The following STK35 variants were observed in gnomAD, a reference collection of about 807,000 sequenced individuals.
STK35 encodes serine/threonine-protein kinase 35.
Under a neutral mutation model 37.3 loss-of-function variants are expected in STK35, and 17 were observed. That is an observed-to-expected ratio of 0.46 (90% CI 0.31 to 0.68). The LOEUF (loss-of-function observed/expected upper bound fraction) is 0.68, where lower values mean the gene tolerates loss of function less well. Among genes scored for constraint, STK35 ranks in the 30% least tolerant of loss-of-function variants. STK35 has a pLI of 0.05. For synonymous variants in STK35, 385 were observed against 319.1 expected (o/e 1.21, Z -2.20); for missense variants, 595 against 746.7 (o/e 0.80, Z 2.37).
rs531414875 is a variant in STK35, at chr20:2,136,629, G to A, written c.*38-7155G>A. 1.7e-4 allele frequency among the ~76,000 whole-genome samples: 26 copies of A among 152,318 alleles called. 1 individual carries two copies. The highest frequency in any genetic ancestry group is 2.6e-4 in the Admixed American group (4 of 15,310). ...TGTTTATGTTAAAACCCTATCATGT[G>A]GAATGAATGATTCTGTGAAGTTTTA... is the stretch of plus-strand genomic sequence containing the variant. On this transcript the variant is annotated intron_variant, in intron 3 of 3. Coordinates refer to ENST00000381482, the MANE Select transcript of STK35 (RefSeq NM_080836.4).
intron 3 of STK35, among the ~76,000 whole-genome samples, chr20:2,119,975 T>C (rs982045744): frequency 3.3e-5 from 5 of 152,238 alleles, no homozygotes; most frequent in Non-Finnish European, 7.3e-5. Flanking sequence ...CTGGACCAAT[T>C]GGGCCTACCA....
rs964646911 is a variant in STK35, at chr20:2,102,968, G to A, written c.495G>A (p.Arg165=). The change falls in exon 2 of 4, where the codon AGG becomes AGA. Residue 165 remains arginine, a synonymous_variant. Coordinates refer to ENST00000381482, the MANE Select transcript of STK35 (RefSeq NM_080836.4). ...PVPRAPSTKL[R]PAAAARAMDP... ...CGCGGGCGCCCAGCACGAAGCTGAG[G>A]CCGGCGGCGGCGGCCCGGGCCATGG... The A allele has an allele frequency of 9.8e-6, 14 of 1,433,184 alleles. No individual in the cohort carries two copies. Among genetic ancestry groups the A allele is most frequent in the Non-Finnish European group, 1.3e-5 (14 of 1,099,848 alleles). 88.8% of individuals were successfully genotyped at this position (1,433,184 alleles called of 1,614,324 possible).
intron 2 of STK35, among the ~76,000 whole-genome samples, chr20:2,111,448 G>A (rs760455439): frequency 2.0e-5 from 3 of 152,114 alleles, no homozygotes; most frequent in Non-Finnish European, 4.4e-5. Flanking sequence ...TAATTACCCA[G>A]TACTTAAGGA....
rs1488600696 is a variant in STK35 at position 2,117,961 on chromosome 20, G to C, written c.*37+546G>C. ...TCTCAGAGGAGGTTGCGTTTAAGCC[G>C]AGTCTCCCTTTTTTTAGAAACGCTC... On this transcript the variant is annotated intron_variant, in intron 3 of 3. Transcript: ENST00000381482. This position sits in a 1 kb window ranked among gnomAD's most constrained non-coding sequence, Gnocchi z 4.4. Among the ~76,000 whole-genome samples the C allele has an allele frequency of 1.3e-5, 2 of 152,192 alleles. No individual in the cohort carries two copies. The highest frequency in any genetic ancestry group is 2.4e-5 in the African/African-American group (1 of 41,440).
At chr20:2,115,605 C>G (rs751156749) in intron 2 of STK35, among the ~76,000 whole-genome samples, 41 of 152,184 alleles carry the variant, frequency 2.7e-4, no homozygotes, top group Non-Finnish European at 5.3e-4. Context: ...ACTGGACTGT[C>G]AGTTGCTTTA....
Position 2,102,171 on chromosome 20 carries a change from G to A in STK35, c.290G>A (p.Gly97Asp). Residue 97 changes from glycine (G) to aspartate (D), a missense_variant, in exon 1 of 4, where the codon GGC becomes GAC. Physicochemically the swap from Gly to Asp is moderately conservative, Grantham distance 94. Around this residue, in one of 3 missense-constraint regions of STK35, gnomAD observed 389 missense variants for 320.0 expected, o/e 1.22. Transcript: ENST00000381482. The part of the protein sequence containing the change: ...KRAARKWRCA[G>D]QVTIQGPAPP... ...GCCGCCCGGAAGTGGAGGTGCGCGG[G>A]CCAGGTAAGGGCGCCGTTGGAGGAC... is the stretch of plus-strand genomic sequence containing the variant. 1.4e-6 allele frequency: 2 copies of A among 1,383,328 alleles called. No individual in the cohort carries two copies. Among genetic ancestry groups the A allele is most frequent in the Non-Finnish European group, 1.9e-6 (2 of 1,069,768 alleles). 85.7% of individuals were successfully genotyped at this position (1,383,328 alleles called of 1,614,324 possible). A position where few individuals can be genotyped will look rare whatever the true frequency, so the allele number is the denominator to read the frequency against.
chr20:2,128,598 G>T (rs1257227612), intron 3 of STK35, among the ~76,000 whole-genome samples: 3 of 152,118 alleles, frequency 2.0e-5, no homozygotes, highest in Non-Finnish European at 4.4e-5. Flanking sequence ...TCCTGTGGGA[G>T]TAGGAGGAAA....
intron 3 of STK35, among the ~76,000 whole-genome samples, chr20:2,124,768 C>T (rs1201405028): frequency 1.3e-5 from 2 of 152,168 alleles, no homozygotes; most frequent in African/African-American, 4.8e-5. Context: ...CGCTAGATAC[C>T]TGTATACAAA....
chr20:2,114,393 A>G (rs75514486), intron 2 of STK35, among the ~76,000 whole-genome samples: 19 of 152,220 alleles, frequency 1.2e-4, no homozygotes, highest in African/African-American at 2.4e-4. Context: ...ACTGTGAGCT[A>G]TGGTCACACC....
intron 3 of STK35, among the ~76,000 whole-genome samples, chr20:2,136,163 T>G (rs192358629): frequency 1.3e-5 from 2 of 152,306 alleles, no homozygotes; most frequent in Non-Finnish European, 2.9e-5. Context: ...AAGGAACCCC[T>G]CCACGTGAAA....
chr20:2,107,776 A>G (rs1308371189), intron 2 of STK35, among the ~76,000 whole-genome samples: 4 of 152,158 alleles, frequency 2.6e-5, no homozygotes, highest in Admixed American at 6.5e-5. Context: ...GCCCTTAGAA[A>G]AGCAACTCTG....
intron 2 of STK35, among the ~76,000 whole-genome samples, chr20:2,111,398 C>T (rs1179283707): frequency 1.3e-5 from 2 of 152,198 alleles, no homozygotes; most frequent in Non-Finnish European, 1.5e-5. Context: ...CGACACATCT[C>T]TAAAATACGT....
rs1403745961 is a variant in STK35, at chr20:2,144,751, ACGG to A, written c.*1007_*1009del. ...CCCATAGTGTCCAGGTGTCACAGAGACGGCCTGAGGCCCTAAGATCTGGTTGTG... is the reference window on the plus strand; with the variant it reads ...CCCATAGTGTCCAGGTGTCACAGAGACCTGAGGCCCTAAGATCTGGTTGTG... On this transcript the variant is annotated 3_prime_UTR_variant, in exon 4 of 4. Coordinates refer to ENST00000381482, the MANE Select transcript of STK35 (RefSeq NM_080836.4). 6.5e-6 allele frequency: 1 copy of A among 152,858 alleles called. No homozygotes were observed. Among genetic ancestry groups the A allele is most frequent in the African/African-American group, 2.4e-5 (1 of 41,446 alleles). The allele number at this position is 152,858 out of a possible 1,614,324, so 9.5% of individuals were successfully genotyped here. A position where few individuals can be genotyped will look rare whatever the true frequency, so the allele number is the denominator to read the frequency against.
At chr20:2,103,918 C>T (rs964311641) in intron 2 of STK35, among the ~76,000 whole-genome samples, 1 of 152,136 alleles carries the variant, frequency 6.6e-6, no homozygotes, top group Non-Finnish European at 1.5e-5. Flanking sequence ...CCCAGGCAGC[C>T]GAGCAAACTG....
At chr20:2,121,233 AT>A (rs765201480) in intron 3 of STK35, among the ~76,000 whole-genome samples, 6 of 152,246 alleles carry the variant, frequency 3.9e-5, no homozygotes, top group Non-Finnish European at 7.3e-5. Context: ...ATCACTTTGC[AT>A]CTTGAAATAA....
rs146633476 is a variant in STK35 at position 2,108,746 on chromosome 20, C to T, written c.892+5381C>T. Reference sequence around the variant, plus strand: ...TACCAGCCCCAGGAGACAGAAGCAGCCCTTCCTTAATTGAGAGCTTTGGTT... The same window carrying T: ...TACCAGCCCCAGGAGACAGAAGCAGTCCTTCCTTAATTGAGAGCTTTGGTT... On this transcript the variant is annotated intron_variant, in intron 2 of 3. Coordinates refer to ENST00000381482, the MANE Select transcript of STK35 (RefSeq NM_080836.4). Among the ~76,000 whole-genome samples, 518 of 152,240 alleles carry T rather than the reference C, an allele frequency of 3.4e-3. 4 individuals are homozygous for T. The highest frequency in any genetic ancestry group is 0.012 in the African/African-American group (493 of 41,540).
chr20:2,114,797 C>T (rs1306906965), intron 2 of STK35, among the ~76,000 whole-genome samples: 1 of 152,174 alleles, frequency 6.6e-6, no homozygotes, highest in Non-Finnish European at 1.5e-5. Flanking sequence ...ATAAAATAAC[C>T]ATCATTCCTC....
At chr20:2,128,230 G>A (rs1204472097) in intron 3 of STK35, among the ~76,000 whole-genome samples, 1 of 152,200 alleles carries the variant, frequency 6.6e-6, no homozygotes, top group Non-Finnish European at 1.5e-5. Flanking sequence ...GAGGGTAAAT[G>A]TGCAGTCAGC....
chr20:2,144,512 C>T lies in STK35; in HGVS notation c.*766C>T, dbSNP rs1986226261. On this transcript the variant is annotated 3_prime_UTR_variant, in exon 4 of 4. Transcript: ENST00000381482. ...TGGTGGGAATCCATTCCTCTTCTGC[C>T]CTGTGTTGCAGGGAACTAGGAGGTA... 6.5e-6 allele frequency: 1 copy of T among 153,538 alleles called. No homozygotes were observed. The highest frequency in any genetic ancestry group is 6.5e-5 in the Admixed American group (1 of 15,416). The allele number at this position is 153,538 out of a possible 1,614,324, so 9.5% of individuals were successfully genotyped here.
Sources: gnomAD v4.1 joint callset for allele counts (sites outside exome capture counted in the v4.1 genomes callset) on GRCh38, gnomAD v4.1.1 for gene constraint, gnomAD v4.1.1 regional missense constraint, Gnocchi (gnomAD v3.1) non-coding constraint, MANE v1.5 for transcripts, NCBI Gene and HGNC (gene_info 2026-07-23, HGNC 2026-07-21) for gene names.